BTAF1: variants seen among roughly 807,000 people sequenced by gnomAD.
BTAF1 encodes the protein B-TFIID TATA-box binding protein associated factor 1.
In BTAF1, 38 loss-of-function variants were observed where a neutral mutation model predicts 227.1. The ratio of observed to expected loss-of-function variants is 0.17; its 90% CI spans 0.13 to 0.22. The LOEUF is 0.22. BTAF1 is among the 10% of genes least tolerant of loss of function. The pLI, the probability that BTAF1 is intolerant of heterozygous loss-of-function variation, is 1.00. For synonymous variants in BTAF1, 742 were observed against 751.9 expected, an observed-to-expected ratio of 0.99 and a Z score of 0.21; for missense variants, 1,598 against 2,204.0, an observed-to-expected ratio of 0.73 and a Z score of 5.51.
At chr10:91,995,675 CAA>C (rs966737149) in intron 23 of BTAF1, among the ~76,000 whole-genome samples, 1 of 119,086 alleles carries the variant, frequency 8.4e-6, no homozygotes. Flanking sequence ...GACTCAGTCT[CAA>C]AAAAAAAAAG....
intron 14 of BTAF1, among the ~76,000 whole-genome samples, chr10:91,972,127 A>G (rs1413105099): frequency 2.0e-5 from 3 of 152,200 alleles, no homozygotes; most frequent in South Asian, 4.1e-4. Flanking sequence ...GATTTGGGGG[A>G]CCATAGCCTC....
intron 18 of BTAF1, among the ~76,000 whole-genome samples, chr10:91,983,163 T>A (rs1848182977): frequency 6.6e-6 from 1 of 152,228 alleles, no homozygotes; most frequent in African/African-American, 2.4e-5. Flanking sequence ...TCTGTGTGGG[T>A]AGTAGCAAAG....
Position 91,950,157 on chromosome 10 carries a change from G to GT in BTAF1, c.401-1246_401-1245insT, listed in dbSNP as rs1845663738. ...GAGACCTTGTCCTTTGTGGGGGGGG[G>GT]CGGGAAAGAAGACTAGGTTTTTAAT... On this transcript the variant is annotated intron_variant, in intron 4 of 37. Coordinates refer to ENST00000265990, the MANE Select transcript of BTAF1 (RefSeq NM_003972.3). 1.7e-5 allele frequency among the ~76,000 whole-genome samples: 2 copies of GT among 115,722 alleles called. 1 individual carries two copies. Among genetic ancestry groups the GT allele is most frequent in the Admixed American group, 1.9e-4 (2 of 10,752 alleles). The allele number at this position is 115,722 out of a possible 152,430, so 75.9% of individuals were successfully genotyped here. A position where few individuals can be genotyped will look rare whatever the true frequency, so the allele number is the denominator to read the frequency against.
At chr10:92,001,646 A>G (rs1397387703) in intron 25 of BTAF1, among the ~76,000 whole-genome samples, 2 of 152,140 alleles carry the variant, frequency 1.3e-5, no homozygotes, top group Non-Finnish European at 2.9e-5. Context: ...AAAAGCCTCA[A>G]CATATTTAAA....
intron 23 of BTAF1, among the ~76,000 whole-genome samples, chr10:91,995,207 A>G (rs1260255647): frequency 1.3e-5 from 2 of 152,306 alleles, no homozygotes; most frequent in Non-Finnish European, 1.5e-5. Context: ...TATCTCTGCA[A>G]TAGGAAGCTG....
At chr10:92,025,650 T>C (rs1249737029) in intron 35 of BTAF1, among the ~76,000 whole-genome samples, 1 of 151,526 alleles carries the variant, frequency 6.6e-6, no homozygotes, top group Non-Finnish European at 1.5e-5. Flanking sequence ...CTACTAAAAA[T>C]ATAAAAATTA....
Position 91,962,642 on chromosome 10 carries a change from T to C in BTAF1, c.1368T>C (p.Pro456=). ...VRAVAAASLV[P]VVESLVYLQT... ...CTGTTGCTGCAGCATCATTAGTGCC[T>C]GTAGTAGAAAGCCTTGTCTATCTTC... is the stretch of plus-strand genomic sequence containing the variant. The change falls in exon 12 of 38, where the codon CCT becomes CCC. Residue 456 remains proline (P), a synonymous_variant. Coordinates refer to ENST00000265990, the MANE Select transcript of BTAF1 (RefSeq NM_003972.3). The C allele has an allele frequency of 1.2e-6, 2 of 1,608,036 alleles. No homozygotes were observed. The highest frequency in any genetic ancestry group is 1.3e-5 in the African/African-American group (1 of 74,804).
rs78928087 is a variant in BTAF1 at position 91,967,862 on chromosome 10, C to G, written c.1650+1105C>G. On this transcript the variant is annotated intron_variant, in intron 14 of 37. Coordinates refer to ENST00000265990, the MANE Select transcript of BTAF1 (RefSeq NM_003972.3). ...CCAAATTTTTTATCTTCATATCATT[C>G]TTTTTGTATATATGGACTTTATTTT... Among the ~76,000 whole-genome samples, 9 of 152,068 alleles carry G rather than the reference C, an allele frequency of 5.9e-5. No homozygotes were observed. The East Asian group carries it at 1.7e-3, about 29-fold the overall frequency.
chr10:92,013,752 G>C lies in BTAF1; in HGVS notation c.4397G>C (p.Gly1466Ala), dbSNP rs745696273. 6.2e-7 allele frequency: 1 copy of C among 1,614,052 alleles called. No individual in the cohort carries two copies. The highest frequency in any genetic ancestry group is 8.5e-7 in the Non-Finnish European group (1 of 1,180,036). ...GTERQFAARY[G>A]KPILASRDAR... ...GAACGCCAGTTTGCTGCTCGATATG[G>C]TAAACCTATATTAGCAAGTAGGGAT... Residue 1466 changes from glycine (G) to alanine (A), a missense_variant, in exon 31 of 38, where the codon GGT (glycine) becomes GCT (alanine). Transcript: ENST00000265990.
At chr10:91,975,420 T>C (rs1293588418) in intron 14 of BTAF1, among the ~76,000 whole-genome samples, 3 of 152,234 alleles carry the variant, frequency 2.0e-5, no homozygotes, top group African/African-American at 7.2e-5. Context: ...TATAAAAATA[T>C]GAAAAGGAGA....
rs1427063241 is a variant in BTAF1, at chr10:91,926,273, TA to T, written c.14+2184del. Among the ~76,000 whole-genome samples, 8 of 152,276 alleles carry T rather than the reference TA, an allele frequency of 5.3e-5. No individual in the cohort carries two copies. The East Asian group carries it at 1.5e-3, about 29-fold the overall frequency. ...TCATATGCTAAAATCAAATCTAAAA[TA>T]TTTTTTGCACTGTTTATTTCATATG... On this transcript the variant is annotated intron_variant, in intron 1 of 37. Coordinates refer to ENST00000265990, the MANE Select transcript of BTAF1 (RefSeq NM_003972.3).
chr10:91,950,590 G>A (rs1336860945), intron 4 of BTAF1, among the ~76,000 whole-genome samples: 2 of 151,904 alleles, frequency 1.3e-5, no homozygotes, highest in African/African-American at 4.8e-5. Flanking sequence ...GTTTTGCACC[G>A]AAGGATTGAG....
At chr10:92,013,833 C>A (rs1564718281) in intron 31 of BTAF1, 25 bp downstream of exon 31, 20 of 1,613,610 alleles carry the variant, frequency 1.2e-5, no homozygotes, top group Non-Finnish European at 1.7e-5. Flanking sequence ...TAATTATAAC[C>A]CTGTGTAAGT....
At chr10:91,944,460 G>T (rs569180234) in intron 4 of BTAF1, among the ~76,000 whole-genome samples, 51 of 152,308 alleles carry the variant, frequency 3.3e-4, no homozygotes, top group Non-Finnish European at 6.8e-4. Flanking sequence ...TAGGCTCTGT[G>T]TAAGTGTATT....
intron 4 of BTAF1, among the ~76,000 whole-genome samples, chr10:91,949,220 G>C (rs759568349): frequency 6.6e-6 from 1 of 152,090 alleles, no homozygotes; most frequent in Non-Finnish European, 1.5e-5. Context: ...CGCTGAGGTG[G>C]GAGAATTGCT....
chr10:91,964,273 TAAC>T, intron 13 of BTAF1, 72 bp downstream of exon 13: 1 of 1,495,578 alleles, frequency 6.7e-7, no homozygotes, highest in Non-Finnish European at 9.1e-7. Flanking sequence ...AGCCTAAACA[TAAC>T]AATATTTTAG....
chr10:91,925,148 T>G (rs1843740879), intron 1 of BTAF1, among the ~76,000 whole-genome samples: 1 of 152,118 alleles, frequency 6.6e-6, no homozygotes, highest in Non-Finnish European at 1.5e-5. Flanking sequence ...CCATGGGAGT[T>G]GGGTGAAGGG....
chr10:91,961,112 A>C (rs568485553), intron 11 of BTAF1, among the ~76,000 whole-genome samples: 123 of 152,318 alleles, frequency 8.1e-4, no homozygotes, highest in African/African-American at 2.8e-3. Flanking sequence ...GACTTCCACA[A>C]ATAGTTGTCT....
Position 92,024,732 on chromosome 10 carries a change from G to GTTGTTTTGTT in BTAF1, c.4864-22_4864-21insGTTTTGTTTT, listed in dbSNP as rs1851368125. On this transcript the variant is annotated intron_variant, in intron 34 of 37. Coordinates refer to ENST00000265990, the MANE Select transcript of BTAF1 (RefSeq NM_003972.3). ...TCTGCTTTTATTGAACGCTTATGTA[G>GTTGTTTTGTT]TTTTTTTTTTTTTTCTTCCTAAGTT... 7.9e-6 allele frequency: 10 copies of GTTGTTTTGTT among 1,268,016 alleles called. 2 individuals carry two copies. The Admixed American group carries it at 2.4e-4, about 30-fold the overall frequency. 78.5% of individuals were successfully genotyped at this position (1,268,016 alleles called of 1,614,324 possible).
Sources: allele counts gnomAD v4.1 joint callset (sites outside exome capture counted in the v4.1 genomes callset), GRCh38; gene constraint gnomAD v4.1.1; transcripts MANE v1.5; gene names NCBI Gene and HGNC (gene_info 2026-07-23, HGNC 2026-07-21).